Variants in SNX7 observed in about 807,000 individuals in gnomAD.
SNX7 encodes the protein sorting nexin 7.
A neutral mutation model predicts 48.4 loss-of-function variants in SNX7; 35 were observed. The observed-to-expected ratio is 0.72, with a 90% CI of 0.55 to 0.96. SNX7 has a LOEUF of 0.96. SNX7 is among the 40% of genes least tolerant of loss of function. The pLI is 0.00. For missense variants in SNX7, 553 were observed against 548.9 expected (o/e 1.01, Z -0.07); for synonymous variants, 190 against 190.2 (o/e 1.00, Z 0.01).
At position 98,684,769 on chromosome 1, in the gene SNX7, T is replaced by C. The variant is rs1650693280; in HGVS notation, c.181-116T>C. The C allele has an allele frequency of 8.2e-6, 6 of 730,424 alleles. No homozygotes were observed. The East Asian group carries it at 1.8e-4, about 22-fold the overall frequency. The allele number at this position is 730,424 out of a possible 1,614,324, so 45.2% of individuals were successfully genotyped here. Reference sequence around the variant, plus strand: ...ACATGTTCAGTATACCACATTTAACTAAAAGTCCAATAATCCCTTTTGTTC... The same window carrying C: ...ACATGTTCAGTATACCACATTTAACCAAAAGTCCAATAATCCCTTTTGTTC... On this transcript the variant is annotated intron_variant, in intron 1 of 8. Coordinates refer to ENST00000306121, the MANE Select transcript of SNX7 (RefSeq NM_015976.5).
intron 7 of SNX7, among the ~76,000 whole-genome samples, chr1:98,708,131 C>T (rs1652105825): frequency 6.6e-6 from 1 of 152,044 alleles, no homozygotes; most frequent in Non-Finnish European, 1.5e-5. Context: ...TTCTATATGC[C>T]TCATTTCCTA....
chr1:98,713,094 G>GAAA (rs56653679), intron 7 of SNX7, among the ~76,000 whole-genome samples: 6 of 129,856 alleles, frequency 4.6e-5, no homozygotes, highest in African/African-American at 8.8e-5. Context: ...TCTGTCTCAG[G>GAAA]AAAAAAAAAA....
intron 1 of SNX7, chr1:98,662,670 T>C (rs2100892843): frequency 7.8e-7 from 1 of 1,289,170 alleles, no homozygotes; most frequent in African/African-American, 1.5e-5. Context: ...TAAAGGGTTT[T>C]AGAAAAGAAA....
chr1:98,662,628 T>A (rs893687499), intron 1 of SNX7: 85 of 1,256,822 alleles, frequency 6.8e-5, no homozygotes, highest in Non-Finnish European at 2.2e-5. Context: ...TGGTAGACTT[T>A]TGGTACGTGT....
chr1:98,716,834 C>T (rs2100999595), intron 7 of SNX7, among the ~76,000 whole-genome samples: 1 of 151,854 alleles, frequency 6.6e-6, no homozygotes, highest in African/African-American at 2.4e-5. Flanking sequence ...GTGTTTTCTT[C>T]TTTTATCTTC....
At chr1:98,724,040 T>C (rs1237215182) in intron 7 of SNX7, among the ~76,000 whole-genome samples, 5 of 152,120 alleles carry the variant, frequency 3.3e-5, no homozygotes, top group Non-Finnish European at 1.5e-5. Flanking sequence ...TTCTAAGATT[T>C]TTGTCATAAG....
At chr1:98,753,540 G>C (rs1276020405) in intron 8 of SNX7, among the ~76,000 whole-genome samples, 1 of 152,086 alleles carries the variant, frequency 6.6e-6, no homozygotes, top group Non-Finnish European at 1.5e-5. Flanking sequence ...AGAGCAGACT[G>C]CTTAGAATTT....
rs115662577 is a variant in SNX7, at chr1:98,730,765, G to A, written c.1126-7472G>A. Among the ~76,000 whole-genome samples the A allele has an allele frequency of 9.9e-3, 1,505 of 152,110 alleles. 27 individuals are homozygous for A. Among genetic ancestry groups the A allele is most frequent in the African/African-American group, 0.035 (1,445 of 41,502 alleles). ...AGGAAATCAGAGGACACAAACAAAT[G>A]CAAAAAACATTCCATACTCATAGGT... On this transcript the variant is annotated intron_variant, in intron 7 of 8. Transcript: ENST00000306121.
intron 4 of SNX7, 53 bp downstream of exon 4, chr1:98,691,752 T>A: frequency 7.3e-7 from 1 of 1,361,820 alleles, no homozygotes; most frequent in Admixed American, 2.5e-5. Context: ...GTATCTATAG[T>A]AGATTGTATT....
intron 8 of SNX7, among the ~76,000 whole-genome samples, chr1:98,755,342 G>A (rs574800176): frequency 1.3e-5 from 2 of 152,142 alleles, no homozygotes; most frequent in African/African-American, 4.8e-5. Flanking sequence ...TTATATATGA[G>A]TGCTGATTTT....
intron 8 of SNX7, among the ~76,000 whole-genome samples, chr1:98,757,524 A>G (rs1469722716): frequency 6.6e-6 from 1 of 151,566 alleles, no homozygotes; most frequent in Non-Finnish European, 1.5e-5. Flanking sequence ...CACCCACATG[A>G]CCTTATTTTA....
At chr1:98,688,378 G>A (rs550541848) in intron 2 of SNX7, among the ~76,000 whole-genome samples, 1 of 152,228 alleles carries the variant, frequency 6.6e-6, no homozygotes, top group East Asian at 1.9e-4. Context: ...TTATAGAGAA[G>A]TATTTTCTCT....
chr1:98,706,487 G>C (rs201666744), intron 7 of SNX7, among the ~76,000 whole-genome samples: 1 of 152,124 alleles, frequency 6.6e-6, no homozygotes, highest in East Asian at 1.9e-4. Context: ...CCAGGGGTTA[G>C]ACCATATAGA....
At chr1:98,717,871 T>C (rs1238298757) in intron 7 of SNX7, among the ~76,000 whole-genome samples, 1 of 152,112 alleles carries the variant, frequency 6.6e-6, no homozygotes, top group Non-Finnish European at 1.5e-5. Context: ...CAGATTCTGT[T>C]GCTTCTGAGA....
chr1:98,694,123 C>A (rs1310610737), intron 4 of SNX7, among the ~76,000 whole-genome samples: 1 of 152,176 alleles, frequency 6.6e-6, no homozygotes, highest in African/African-American at 2.4e-5. Context: ...GTAATCCCAG[C>A]ACTTTGGGAG....
intron 1 of SNX7, among the ~76,000 whole-genome samples, chr1:98,681,590 G>A (rs917275847): frequency 6.6e-6 from 1 of 152,082 alleles, no homozygotes; most frequent in Non-Finnish European, 1.5e-5. Context: ...TTGAGAGAAA[G>A]GAAACATTGC....
chr1:98,706,019 G>A lies in SNX7; in HGVS notation c.1125+4116G>A, dbSNP rs182911220. On this transcript the variant is annotated intron_variant, in intron 7 of 8. Coordinates refer to ENST00000306121, the MANE Select transcript of SNX7 (RefSeq NM_015976.5). ...GAGCTACAGAATAAAAAGTGAAGAA[G>A]AAATCTGGAGGTGTGCAGCTTTACA... Among the ~76,000 whole-genome samples, 6 of 152,210 alleles carry A rather than the reference G, an allele frequency of 3.9e-5. No homozygotes were observed. In the East Asian group the frequency reaches 1.2e-3, roughly 29 times the overall value.
chr1:98,694,141 C>T (rs576016983), intron 4 of SNX7, among the ~76,000 whole-genome samples: 85 of 152,114 alleles, frequency 5.6e-4, no homozygotes, highest in African/African-American at 1.8e-3. Context: ...GAGGCCGAGG[C>T]GGGCGGATCA....
At chr1:98,697,183 CA>C (rs1327220410) in intron 5 of SNX7, among the ~76,000 whole-genome samples, 3 of 151,902 alleles carry the variant, frequency 2.0e-5, no homozygotes, top group African/African-American at 7.2e-5. Context: ...TCAGTATGGT[CA>C]TTATTTAACA....
Sources: gnomAD v4.1 joint callset for allele counts (sites outside exome capture counted in the v4.1 genomes callset) on GRCh38, gnomAD v4.1.1 for gene constraint, MANE v1.5 for transcripts, NCBI Gene and HGNC (gene_info 2026-07-23, HGNC 2026-07-21) for gene names.